The following ANKRD17 variants were observed in gnomAD, a reference collection of about 807,000 sequenced individuals.
The protein encoded by ANKRD17 is ankyrin repeat domain 17.
A neutral mutation model predicts 229.7 loss-of-function variants in ANKRD17; 19 were observed. The ratio of observed to expected loss-of-function variants is 0.08; its 90% CI spans 0.06 to 0.12. The LOEUF (loss-of-function observed/expected upper bound fraction) is 0.12, where lower values mean the gene tolerates loss of function less well. ANKRD17 is among the 10% of genes least tolerant of loss of function. The pLI, the probability that ANKRD17 is intolerant of heterozygous loss-of-function variation, is 1.00. For synonymous variants in ANKRD17, 1,112 were observed against 1,146.1 expected, an observed-to-expected ratio of 0.97 and a Z score of 0.60; for missense variants, 2,176 against 3,176.8, an observed-to-expected ratio of 0.68 and a Z score of 7.57.
chr4:73,234,852 TAGCACTGTGGAA>T (rs1176851963), intron 1 of ANKRD17, among the ~76,000 whole-genome samples: 1 of 152,208 alleles, frequency 6.6e-6, no homozygotes, highest in Non-Finnish European at 1.5e-5. Context: ...CCAACTGACC[TAGCACTGTGGAA>T]AAGAAGTCTT....
intron 1 of ANKRD17, among the ~76,000 whole-genome samples, chr4:73,189,279 AAG>A: frequency 6.6e-6 from 1 of 152,306 alleles, no homozygotes; most frequent in African/African-American, 2.4e-5. Flanking sequence ...AACTACAAGA[AAG>A]GGGATAATAG....
rs370761897 is a variant in ANKRD17, at chr4:73,211,671, A to G, written c.394-34138T>C. Among the ~76,000 whole-genome samples, 8 of 151,994 alleles carry G rather than the reference A, an allele frequency of 5.3e-5. No homozygotes were observed. The South Asian group carries it at 1.5e-3, about 28-fold the overall frequency. On this transcript the variant is annotated intron_variant, in intron 1 of 33. Transcript: ENST00000358602. ...AGACTAGTCTGGCCAACATGGTGAA[A>G]CCCCATCTCTACTAAAAATACAAAA...
chr4:73,096,110 T>G (rs1025719611), intron 27 of ANKRD17, among the ~76,000 whole-genome samples: 8 of 152,184 alleles, frequency 5.3e-5, no homozygotes, highest in Non-Finnish European at 1.0e-4. Flanking sequence ...TGAGAATGGT[T>G]AAGTATTAAA....
chr4:73,227,311 G>C (rs774032701), intron 1 of ANKRD17, among the ~76,000 whole-genome samples: 20 of 151,982 alleles, frequency 1.3e-4, no homozygotes, highest in African/African-American at 4.3e-4. Context: ...CCACCACCAC[G>C]CCTGGCTCAT....
chr4:73,086,238 CAAAACCA>C (rs1722109150), intron 29 of ANKRD17, among the ~76,000 whole-genome samples: 1 of 151,930 alleles, frequency 6.6e-6, no homozygotes, highest in South Asian at 2.1e-4. Flanking sequence ...TTAAAAAATC[CAAAACCA>C]AAAACCATAT....
intron 5 of ANKRD17, among the ~76,000 whole-genome samples, chr4:73,155,088 G>A (rs947754043): frequency 6.6e-6 from 1 of 151,014 alleles, no homozygotes; most frequent in Admixed American, 6.6e-5. Flanking sequence ...CTGAATGAAG[G>A]AAATGCACAA....
intron 1 of ANKRD17, among the ~76,000 whole-genome samples, chr4:73,246,479 G>GA (rs549474884): frequency 1.1e-4 from 17 of 152,278 alleles, no homozygotes; most frequent in African/African-American, 4.1e-4. Context: ...TTCTCTTGAG[G>GA]AAAGAAACAA....
At chr4:73,239,210 C>T (rs151311956) in intron 1 of ANKRD17, among the ~76,000 whole-genome samples, 46 of 152,256 alleles carry the variant, frequency 3.0e-4, no homozygotes, top group Admixed American at 2.5e-3. Context: ...TATACCACTA[C>T]AAAATCACTA....
chr4:73,074,714 TTTAG>T lies in ANKRD17; in HGVS notation c.*1513_*1516del, dbSNP rs557657399. 5.9e-5 allele frequency: 9 copies of T among 152,356 alleles called. No homozygotes were observed. Among genetic ancestry groups the T allele is most frequent in the African/African-American group, 9.7e-5 (4 of 41,424 alleles). 9.4% of individuals were successfully genotyped at this position (152,356 alleles called of 1,614,324 possible). ...TCAACTCTAGGTGATTTATATGAATTTTAGTTAGTTTTTATGTTTTACCAGTGTG... is the reference window on the plus strand; with the variant it reads ...TCAACTCTAGGTGATTTATATGAATTTTAGTTTTTATGTTTTACCAGTGTG... On this transcript the variant is annotated 3_prime_UTR_variant, in exon 34 of 34. Transcript: ENST00000358602.
intron 1 of ANKRD17, among the ~76,000 whole-genome samples, chr4:73,226,434 G>A (rs1220407423): frequency 8.6e-6 from 1 of 116,390 alleles, no homozygotes; most frequent in African/African-American, 3.4e-5. Flanking sequence ...TCGCACTGTC[G>A]CCTGGGGTGG....
At position 73,121,640 on chromosome 4, in the gene ANKRD17, A is replaced by G. The variant is rs759558043; in HGVS notation, c.3612T>C (p.Asn1204=). 1 of 1,613,712 alleles carries G rather than the reference A, an allele frequency of 6.2e-7. No homozygotes were observed. The highest frequency in any genetic ancestry group is 8.5e-7 in the Non-Finnish European group (1 of 1,179,722). The change falls in exon 19 of 34, where the codon AAT becomes AAC. Residue 1204 remains asparagine (N), a synonymous_variant. Transcript: ENST00000358602. The part of the protein sequence containing the change: ...GYVNIIKILL[N]AGAEINSRTG... ...GCCTAGAGTTAATCTCAGCTCCTGC[A>G]TTTAGTAATATTTTGATGATGTTCA...
chr4:73,155,606 A>T (rs1474182890), intron 5 of ANKRD17, 25 bp downstream of exon 5: 3 of 1,612,212 alleles, frequency 1.9e-6, no homozygotes, highest in Non-Finnish European at 2.5e-6. Context: ...CTATGTAGTA[A>T]AACTGAAAAA....
intron 5 of ANKRD17, among the ~76,000 whole-genome samples, chr4:73,154,912 G>A (rs1731456284): frequency 6.6e-6 from 1 of 151,788 alleles, no homozygotes. Context: ...ATAGTGGCAG[G>A]CGCCTGTAGT....
chr4:73,150,279 T>C (rs1044294164), intron 7 of ANKRD17, among the ~76,000 whole-genome samples: 2 of 152,178 alleles, frequency 1.3e-5, no homozygotes, highest in Admixed American at 1.3e-4. Flanking sequence ...CTTTCACTTA[T>C]AATATTTACT....
At position 73,091,989 on chromosome 4, in the gene ANKRD17, G is replaced by C. The variant is rs1225032872; in HGVS notation, c.5639C>G (p.Ser1880Cys). 1 of 1,614,196 alleles carries C rather than the reference G, an allele frequency of 6.2e-7. No individual in the cohort carries two copies. Reference sequence around the variant, plus strand: ...TGGAGGAGGATATGCTAATGGAAGAGAAACTGGAAAACCAGGCCTCACATT... The same window carrying C: ...TGGAGGAGGATATGCTAATGGAAGACAAACTGGAAAACCAGGCCTCACATT... ...VNNVRPGFPV[S>C]LPLAYPPPQF... Residue 1880 changes from serine to cysteine, a missense_variant, in exon 29 of 34, where the codon TCT becomes TGT. Transcript: ENST00000358602.
At chr4:73,147,934 T>C (rs1420370207) in intron 8 of ANKRD17, among the ~76,000 whole-genome samples, 4 of 152,162 alleles carry the variant, frequency 2.6e-5, no homozygotes, top group African/African-American at 7.2e-5. Flanking sequence ...TTGTCATCAA[T>C]ACTACCACCA....
At chr4:73,247,573 C>T (rs1256441278) in intron 1 of ANKRD17, among the ~76,000 whole-genome samples, 1 of 151,960 alleles carries the variant, frequency 6.6e-6, no homozygotes. Flanking sequence ...CACACACACG[C>T]ACTCAGTCTC....
chr4:73,190,917 C>G (rs1378385571), intron 1 of ANKRD17, among the ~76,000 whole-genome samples: 1 of 151,904 alleles, frequency 6.6e-6, no homozygotes, highest in African/African-American at 2.4e-5. Context: ...AAAAAAACAC[C>G]TGAAGAAATG....
chr4:73,079,518 G>A (rs1276363198), intron 30 of ANKRD17, among the ~76,000 whole-genome samples: 2 of 151,602 alleles, frequency 1.3e-5, no homozygotes, highest in African/African-American at 4.8e-5. Flanking sequence ...CCAACCTCCT[G>A]AACAGCTGGG....
Sources: allele counts gnomAD v4.1 joint callset (sites outside exome capture counted in the v4.1 genomes callset), GRCh38; gene constraint gnomAD v4.1.1; transcripts MANE v1.5; gene names NCBI Gene and HGNC (gene_info 2026-07-23, HGNC 2026-07-21).